TAMM41: variants seen among roughly 807,000 people sequenced by gnomAD.
TAMM41 encodes TAM41 mitochondrial translocator assembly and maintenance homolog.
Under a neutral mutation model 44.1 loss-of-function variants are expected in TAMM41, and 36 were observed. The observed-to-expected ratio is 0.82, with a 90% CI of 0.63 to 1.08. The LOEUF is 1.08. TAMM41 is among the 50% of genes least tolerant of loss of function. The probability of loss-of-function intolerance (pLI) is 0.00; values close to 1 mark genes in which losing one functional copy is unlikely to be tolerated. For missense variants in TAMM41, 417 were observed against 404.3 expected, an observed-to-expected ratio of 1.03 and a Z score of -0.27; for synonymous variants, 164 against 153.1, an observed-to-expected ratio of 1.07 and a Z score of -0.53.
At chr3:11,739,619 C>T in the TAMM41 span, among the ~76,000 whole-genome samples, 1 of 133,058 alleles carries the variant, frequency 7.5e-6, no homozygotes, top group Non-Finnish European at 1.5e-5. Context: ...TTGCAGTGAG[C>T]CAAGATAACA....
intron 7 of TAMM41, among the ~76,000 whole-genome samples, chr3:11,800,114 T>G (rs936720655): frequency 1.3e-5 from 2 of 152,124 alleles, no homozygotes; most frequent in African/African-American, 4.8e-5. Flanking sequence ...AACAAAACGC[T>G]GATATTCACC....
chr3:11,772,258 G>GTTTTT, the TAMM41 span, among the ~76,000 whole-genome samples: 13 of 135,820 alleles, frequency 9.6e-5, no homozygotes, highest in Non-Finnish European at 1.1e-4. Context: ...TTTTTTTGTA[G>GTTTTT]TTTTAGTAGA....
intron 7 of TAMM41, among the ~76,000 whole-genome samples, chr3:11,804,996 CTTTT>C (rs1156555980): frequency 8.7e-5 from 9 of 103,080 alleles, no homozygotes; most frequent in East Asian, 3.5e-4. Flanking sequence ...ACGCCCAGCC[CTTTT>C]TTTTTTTTTT....
chr3:11,767,357 C>T, the TAMM41 span, among the ~76,000 whole-genome samples: 2 of 152,104 alleles, frequency 1.3e-5, no homozygotes, highest in Admixed American at 6.5e-5. Flanking sequence ...GCGTGAGTCA[C>T]CAGGTCCAGC....
At chr3:11,797,190 C>A (rs553012621) in intron 7 of TAMM41, among the ~76,000 whole-genome samples, 1 of 152,248 alleles carries the variant, frequency 6.6e-6, no homozygotes, top group African/African-American at 2.4e-5. Context: ...ATAGCCAAGG[C>A]AACACTAAGC....
chr3:11,812,136 CA>C (rs2078106809), intron 5 of TAMM41, among the ~76,000 whole-genome samples: 1 of 152,090 alleles, frequency 6.6e-6, no homozygotes, highest in Admixed American at 6.5e-5. Context: ...CCATGTTGGC[CA>C]GGCTAGTTTT....
chr3:11,780,174 T>C, the TAMM41 span, among the ~76,000 whole-genome samples: 1 of 152,216 alleles, frequency 6.6e-6, no homozygotes, highest in Non-Finnish European at 1.5e-5. Flanking sequence ...TCCATTGCTC[T>C]GGGGATAACA....
intron 7 of TAMM41, among the ~76,000 whole-genome samples, chr3:11,796,319 C>T (rs2077605407): frequency 6.6e-6 from 1 of 152,182 alleles, no homozygotes; most frequent in Admixed American, 6.5e-5. Context: ...ATGTAAGCCT[C>T]AGAACACCTT....
the TAMM41 span, among the ~76,000 whole-genome samples, chr3:11,776,012 A>T: frequency 1.9e-5 from 2 of 106,994 alleles, no homozygotes; most frequent in Admixed American, 2.5e-4. Context: ...TTTTTAATTA[A>T]TTAATTTTTT....
downstream of TAMM41, among the ~76,000 whole-genome samples, chr3:11,786,998 T>C (rs2077421643): frequency 6.6e-6 from 1 of 152,222 alleles, no homozygotes; most frequent in East Asian, 1.9e-4. Flanking sequence ...TCTCTTGTTC[T>C]GTCATAGTCA....
chr3:11,722,496 G>T, the TAMM41 span, among the ~76,000 whole-genome samples: 1 of 152,234 alleles, frequency 6.6e-6, no homozygotes, highest in Non-Finnish European at 1.5e-5. Context: ...GATGCATCTT[G>T]ACAATGTTAA....
the TAMM41 span, among the ~76,000 whole-genome samples, chr3:11,746,710 A>G: frequency 0.014 from 2,158 of 152,236 alleles, 23 homozygotes; most frequent in Non-Finnish European, 0.021. Context: ...GTGCAGTGGT[A>G]CAATCACAGC....
chr3:11,821,604 G>A (rs904675557), intron 4 of TAMM41, among the ~76,000 whole-genome samples: 1 of 152,220 alleles, frequency 6.6e-6, no homozygotes, highest in African/African-American at 2.4e-5. Context: ...GGAACCCAGA[G>A]TTAAGGTATT....
the TAMM41 span, among the ~76,000 whole-genome samples, chr3:11,761,669 G>A: frequency 4.6e-5 from 7 of 152,016 alleles, no homozygotes; most frequent in South Asian, 2.1e-4. Context: ...TTCCCCTTCC[G>A]GGCGCGGTGG....
rs773061183 is a variant in TAMM41 at position 11,809,609 on chromosome 3, T to C, written c.782A>G (p.His261Arg). 11 of 1,614,176 alleles carry C rather than the reference T, an allele frequency of 6.8e-6. No homozygotes were observed. The highest frequency in any genetic ancestry group is 9.3e-6 in the Non-Finnish European group (11 of 1,180,030). Reference protein sequence around the residue: ...LPKTLQQQINHIMDPPGKNRD... With the variant: ...LPKTLQQQINRIMDPPGKNRD... The stretch of plus-strand genomic sequence containing the variant: ...GTTTTTTCCAGGAGGGTCCATAATA[T>C]GATTTATCTGTTGCTGTAAGGTTTT... The change falls in exon 6 of 8, where the codon CAT becomes CGT. Residue 261 changes from histidine (H) to arginine (R), a missense_variant. By Grantham distance (29) the His-to-Arg change is conservative. Coordinates refer to ENST00000455809, the MANE Select transcript of TAMM41 (RefSeq NM_001284401.2).
the TAMM41 span, among the ~76,000 whole-genome samples, chr3:11,785,133 C>T: frequency 3.3e-5 from 5 of 152,138 alleles, no homozygotes; most frequent in Admixed American, 6.5e-5. Context: ...TTCCTCTGTA[C>T]TCCACTCTCT....
chr3:11,827,646 A>G (rs2078811884), intron 4 of TAMM41, among the ~76,000 whole-genome samples: 1 of 151,232 alleles, frequency 6.6e-6, no homozygotes, highest in South Asian at 2.1e-4. Context: ...GAAAAAAAAA[A>G]AAAAAAAAAG....
chr3:11,798,355 G>C (rs2077662064), intron 7 of TAMM41, among the ~76,000 whole-genome samples: 1 of 152,146 alleles, frequency 6.6e-6, no homozygotes, highest in Non-Finnish European at 1.5e-5. Flanking sequence ...CAGGGATATA[G>C]ATGGAGCTGG....
intron 2 of TAMM41, among the ~76,000 whole-genome samples, chr3:11,840,088 C>T (rs2079365573): frequency 1.3e-5 from 2 of 152,236 alleles, no homozygotes; most frequent in Non-Finnish European, 2.9e-5. Context: ...ATTGCATCCC[C>T]AACCAATCAG....
Sources: allele counts gnomAD v4.1 joint callset (sites outside exome capture counted in the v4.1 genomes callset), GRCh38; gene constraint gnomAD v4.1.1; transcripts MANE v1.5; gene names NCBI Gene and HGNC (gene_info 2026-07-23, HGNC 2026-07-21).